The following LCP1 variants were observed in gnomAD, a reference collection of about 807,000 sequenced individuals.
LCP1 encodes lymphocyte cytosolic protein 1, also known as plastin-2.
A neutral mutation model predicts 72.0 loss-of-function variants in LCP1; 23 were observed. The observed-to-expected ratio is 0.32, with a 90% CI of 0.23 to 0.45. The LOEUF is 0.45. Among genes scored for constraint, LCP1 ranks in the 20% least tolerant of loss-of-function variants. The pLI is 1.00. For synonymous variants in LCP1, 245 were observed against 275.4 expected, an observed-to-expected ratio of 0.89 and a Z score of 1.09; for missense variants, 571 against 748.3, an observed-to-expected ratio of 0.76 and a Z score of 2.76.
In LCP1 at chr13:46,148,367, G is replaced by A; in HGVS notation, c.963C>T (p.Asp321=). Residue 321 remains aspartate, a synonymous_variant, in exon 9 of 16, where the codon GAC becomes GAT. Coordinates refer to ENST00000323076, the MANE Select transcript of LCP1 (RefSeq NM_002298.5). Reference sequence around the variant, plus strand: ...CTGGCCTTACCCGCAGTCCTGACATGTCAATAACAACAGCAGGAACACCTT... The same window carrying A: ...CTGGCCTTACCCGCAGTCCTGACATATCAATAACAACAGCAGGAACACCTT... ...DEEGVPAVVI[D]MSGLREKDDI... is the part of the protein sequence containing the mutation. The A allele has an allele frequency of 6.2e-7, 1 of 1,612,646 alleles. No homozygotes were observed.
At chr13:46,133,026 G>A (rs572091061) in intron 14 of LCP1, among the ~76,000 whole-genome samples, 4 of 152,212 alleles carry the variant, frequency 2.6e-5, no homozygotes, top group South Asian at 2.1e-4. Flanking sequence ...AAGTGCACAC[G>A]TCCTTTGAGG....
chr13:46,159,639 A>T lies in LCP1; in HGVS notation c.24T>A (p.Asp8Glu). MARGSVS[D>E]EEMMELREAF... ...CTTCTCTGAGCTCCATCATTTCCTC[A>T]TCGGACACTGATCCTCTGGCCATTT... is the stretch of plus-strand genomic sequence containing the variant. Residue 8 changes from aspartate to glutamate, a missense_variant, in exon 2 of 16, where the codon GAT (aspartate) becomes GAA (glutamate). Asp to Glu is a conservative substitution (Grantham distance 45). Transcript: ENST00000323076. 6.2e-7 allele frequency: 1 copy of T among 1,614,128 alleles called. No individual in the cohort carries two copies. The highest frequency in any genetic ancestry group is 1.1e-5 in the South Asian group (1 of 91,088).
At chr13:46,180,757 G>A (rs186711133) in intron 1 of LCP1, among the ~76,000 whole-genome samples, 5 of 152,194 alleles carry the variant, frequency 3.3e-5, no homozygotes, top group South Asian at 2.1e-4. Flanking sequence ...TTATTCCTTC[G>A]TAAATATAAG....
chr13:46,159,002 C>T lies in LCP1; in HGVS notation c.65-13G>A. On this transcript the variant is annotated splice_polypyrimidine_tract_variant and intron_variant, in intron 2 of 15. Transcript: ENST00000323076. ...TTGCCATCAGTATCTGTAATGTACA[C>T]AATATACTGAAGCTTCAGGACGATT... 5 of 1,613,216 alleles carry T rather than the reference C, an allele frequency of 3.1e-6. No individual in the cohort carries two copies. The highest frequency in any genetic ancestry group is 4.2e-6 in the Non-Finnish European group (5 of 1,179,568).
chr13:46,172,012 C>T (rs1021772363), intron 1 of LCP1, among the ~76,000 whole-genome samples: 8 of 152,224 alleles, frequency 5.3e-5, no homozygotes, highest in East Asian at 1.9e-4. Context: ...ATTTTAGTAC[C>T]GAGGGGGTTA....
At chr13:46,177,424 G>A (rs1003663390) in intron 1 of LCP1, among the ~76,000 whole-genome samples, 3 of 152,038 alleles carry the variant, frequency 2.0e-5, no homozygotes, top group Non-Finnish European at 4.4e-5. Context: ...GGCAGATCAC[G>A]AGGTCAGGAG....
In LCP1 at chr13:46,142,306, C is replaced by T. The variant is rs2045703309; in HGVS notation, c.1488G>A (p.Trp496Ter). Residue 496 changes from tryptophan (W) to a stop codon, truncating the protein, a stop_gained, in exon 13 of 16, where the codon TGG becomes TGA. Coordinates refer to ENST00000323076, the MANE Select transcript of LCP1 (RefSeq NM_002298.5). LOFTEE classifies it high-confidence loss of function. ...AGCTATACTACCTTCTCATTAGCTG[C>T]CAAATCAAGGCCAGTGTGAGAGTGC... is the stretch of plus-strand genomic sequence containing the variant. The part of the protein sequence containing the change: ...GNRTLTLALI[W>*]QLMRRYTLNI... The T allele has an allele frequency of 6.2e-7, 1 of 1,613,564 alleles. No homozygotes were observed.
Position 46,159,799 on chromosome 13 carries a change from A to G in LCP1, c.-24-113T>C. ...GAAGAAATATTCTTCTGCATCCCCCATGATTTAGAACTATCTTTCCAAAAT... is the reference window on the plus strand; with the variant it reads ...GAAGAAATATTCTTCTGCATCCCCCGTGATTTAGAACTATCTTTCCAAAAT... On this transcript the variant is annotated intron_variant, in intron 1 of 15. Transcript: ENST00000323076. The G allele has an allele frequency of 6.1e-6, 4 of 659,998 alleles. No homozygotes were observed. The South Asian group carries it at 7.3e-5, about 12-fold the overall frequency. 40.9% of individuals were successfully genotyped at this position (659,998 alleles called of 1,614,324 possible).
intron 13 of LCP1, among the ~76,000 whole-genome samples, chr13:46,141,273 G>A (rs533429281): frequency 6.6e-5 from 10 of 152,004 alleles, no homozygotes; most frequent in Non-Finnish European, 1.3e-4. Context: ...GGGCATGGTG[G>A]CGTGGACCTG....
At chr13:46,178,745 A>G (rs1361639047) in intron 1 of LCP1, among the ~76,000 whole-genome samples, 13 of 152,340 alleles carry the variant, frequency 8.5e-5, no homozygotes. Flanking sequence ...ATAAAAAAAC[A>G]CTAGGAAGAA....
intron 5 of LCP1, among the ~76,000 whole-genome samples, chr13:46,155,719 C>G (rs930770555): frequency 6.6e-6 from 1 of 152,168 alleles, no homozygotes; most frequent in Non-Finnish European, 1.5e-5. Context: ...AAAGACACCA[C>G]GTTGCATTGA....
Position 46,130,837 on chromosome 13 carries a change from A to G in LCP1, c.1728T>C (p.Asp576=). Residue 576 remains aspartate (D), a synonymous_variant, in exon 15 of 16, where the codon GAT becomes GAC. Transcript: ENST00000323076. ...YDLLKTENLN[D]DEKLNNAKYA... Reference sequence around the variant, plus strand: ...ACTTTGCATTGTTGAGTTTCTCATCATCATTCAGATTTTCTGTCTTCAGAA... The same window carrying G: ...ACTTTGCATTGTTGAGTTTCTCATCGTCATTCAGATTTTCTGTCTTCAGAA... The G allele has an allele frequency of 6.2e-7, 1 of 1,613,358 alleles. No homozygotes were observed. Among genetic ancestry groups the G allele is most frequent in the East Asian group, 2.2e-5 (1 of 44,832 alleles).
intron 1 of LCP1, among the ~76,000 whole-genome samples, chr13:46,178,352 G>C (rs2045941524): frequency 6.6e-6 from 1 of 152,088 alleles, no homozygotes; most frequent in Non-Finnish European, 1.5e-5. Context: ...CATTGAAACT[G>C]ACAAACCAAA....
chr13:46,131,582 T>C lies in LCP1; in HGVS notation c.1627-644A>G, dbSNP rs547487587. Among the ~76,000 whole-genome samples the C allele has an allele frequency of 1.1e-3, 162 of 152,214 alleles. 1 individual carries two copies. Among genetic ancestry groups the C allele is most frequent in the Non-Finnish European group, 1.8e-3 (122 of 68,020 alleles). ...GTGTTCATCGCAGCACTATTCATAA[T>C]AGCAAAGATATGGAATCAACCTAGG... is the stretch of plus-strand genomic sequence containing the variant. On this transcript the variant is annotated intron_variant, in intron 14 of 15. Coordinates refer to ENST00000323076, the MANE Select transcript of LCP1 (RefSeq NM_002298.5).
intron 6 of LCP1, 73 bp from the exon 7 acceptor site, chr13:46,153,018 A>G: frequency 7.0e-7 from 1 of 1,421,006 alleles, no homozygotes; most frequent in Non-Finnish European, 9.6e-7. Flanking sequence ...TGGCAACAGT[A>G]ACAATGTTTT....
At chr13:46,148,202 C>T in intron 9 of LCP1, 150 bp downstream of exon 9, 4 of 607,448 alleles carry the variant, frequency 6.6e-6, no homozygotes, top group Non-Finnish European at 8.9e-6. Flanking sequence ...AATTATTATC[C>T]CAAACTGCTC....
intron 14 of LCP1, among the ~76,000 whole-genome samples, chr13:46,133,713 TAGAC>T (rs1410779930): frequency 2.6e-5 from 4 of 151,484 alleles, no homozygotes; most frequent in Non-Finnish European, 2.9e-5. Flanking sequence ...AAATTAAAAA[TAGAC>T]AGTAGAAACT....
At chr13:46,140,678 A>C (rs1469540536) in intron 13 of LCP1, among the ~76,000 whole-genome samples, 1 of 152,220 alleles carries the variant, frequency 6.6e-6, no homozygotes, top group Non-Finnish European at 1.5e-5. Context: ...AAAATAAATT[A>C]GTAGAAACAG....
chr13:46,136,389 A>G (rs974834224), intron 13 of LCP1, among the ~76,000 whole-genome samples: 2 of 152,190 alleles, frequency 1.3e-5, no homozygotes, highest in Non-Finnish European at 2.9e-5. Flanking sequence ...GACAGGGTCC[A>G]TGTGCCCTGT....
Sources: gnomAD v4.1 joint callset for allele counts (sites outside exome capture counted in the v4.1 genomes callset) on GRCh38, gnomAD v4.1.1 for gene constraint, MANE v1.5 for transcripts, NCBI Gene and HGNC (gene_info 2026-07-23, HGNC 2026-07-21) for gene names.